The following POU2F3 variants were observed in gnomAD, a reference collection of about 807,000 sequenced individuals.
The protein encoded by POU2F3 is POU domain, class 2, transcription factor 3.
A neutral mutation model predicts 59.2 loss-of-function variants in POU2F3; 23 were observed. The observed-to-expected ratio is 0.39, with a 90% CI of 0.28 to 0.55. POU2F3 has a LOEUF of 0.55. Among genes scored for constraint, POU2F3 ranks in the 20% least tolerant of loss-of-function variants. The pLI is 0.66. For synonymous variants in POU2F3, 190 were observed against 214.6 expected (o/e 0.89, Z 1.00); for missense variants, 473 against 544.5 (o/e 0.87, Z 1.31).
intron 3 of POU2F3, among the ~76,000 whole-genome samples, chr11:120,292,991 A>G (rs1941074708): frequency 6.6e-6 from 1 of 152,338 alleles, no homozygotes; most frequent in South Asian, 2.1e-4. Context: ...GACTGATAAG[A>G]TTGTTGCATT....
chr11:120,243,542 G>A (rs1938756036), intron 1 of POU2F3, among the ~76,000 whole-genome samples: 1 of 152,182 alleles, frequency 6.6e-6, no homozygotes, highest in African/African-American at 2.4e-5. Context: ...AGGGAAGGGA[G>A]TGATGGCAAG....
At chr11:120,257,524 C>T (rs929621715) in intron 2 of POU2F3, among the ~76,000 whole-genome samples, 9 of 152,108 alleles carry the variant, frequency 5.9e-5, no homozygotes, top group African/African-American at 2.2e-4. Context: ...TTCTCACTGG[C>T]TCCTCCACAA....
At chr11:120,283,643 C>G (rs560901479) in intron 3 of POU2F3, among the ~76,000 whole-genome samples, 2 of 152,294 alleles carry the variant, frequency 1.3e-5, no homozygotes, top group East Asian at 3.9e-4. Context: ...AGCCTGCCCC[C>G]ACCCACTCCC....
intron 2 of POU2F3, among the ~76,000 whole-genome samples, chr11:120,252,563 C>T (rs1246040448): frequency 2.0e-5 from 3 of 152,158 alleles, no homozygotes; most frequent in Non-Finnish European, 4.4e-5. Context: ...CTTTCTGTGA[C>T]AGGGAAATTA....
intron 3 of POU2F3, among the ~76,000 whole-genome samples, chr11:120,297,882 T>C (rs954537074): frequency 2.0e-5 from 3 of 151,560 alleles, no homozygotes; most frequent in Non-Finnish European, 4.4e-5. Flanking sequence ...ATGATCCTCC[T>C]ATCTCAGCCT....
At chr11:120,274,059 AAGAG>A (rs1444184249) in intron 3 of POU2F3, among the ~76,000 whole-genome samples, 1 of 151,294 alleles carries the variant, frequency 6.6e-6, no homozygotes, top group Non-Finnish European at 1.5e-5. Context: ...GAAAGAAAGA[AAGAG>A]AGAAAGAAAG....
chr11:120,258,725 G>A lies in POU2F3; in HGVS notation c.98-10485G>A, dbSNP rs553897470. Among the ~76,000 whole-genome samples the A allele has an allele frequency of 4.3e-4, 66 of 152,234 alleles. 1 individual carries two copies. The highest frequency in any genetic ancestry group is 2.6e-4 in the Non-Finnish European group (18 of 68,040). ...GGATCTTTTGGCCCCGTTCCTTGCA[G>A]CAGTGGCCTGAGTGCCTGGACACTT... On this transcript the variant is annotated intron_variant, in intron 2 of 12. Transcript: ENST00000543440.
chr11:120,267,958 G>C (rs1213896607), intron 2 of POU2F3, among the ~76,000 whole-genome samples: 1 of 152,000 alleles, frequency 6.6e-6, no homozygotes, highest in Non-Finnish European at 1.5e-5. Flanking sequence ...GTCCTGGAGA[G>C]CTATGTGAAT....
At chr11:120,255,539 G>A (rs145045815) in intron 2 of POU2F3, among the ~76,000 whole-genome samples, 1 of 152,080 alleles carries the variant, frequency 6.6e-6, no homozygotes, top group Non-Finnish European at 1.5e-5. Context: ...TTCAAATGAG[G>A]ATGATTAAGG....
At chr11:120,316,872 G>C (rs558402217) in intron 11 of POU2F3, among the ~76,000 whole-genome samples, 2 of 152,162 alleles carry the variant, frequency 1.3e-5, no homozygotes, top group East Asian at 3.9e-4. Flanking sequence ...CTTCCTTCTT[G>C]TTCTTTTTCT....
chr11:120,292,121 T>C (rs1466089974), intron 3 of POU2F3, among the ~76,000 whole-genome samples: 4 of 152,212 alleles, frequency 2.6e-5, no homozygotes, highest in Non-Finnish European at 5.9e-5. Context: ...ATTTCTTAAG[T>C]AGATTTCATC....
At chr11:120,248,610 T>G (rs888891903) in intron 2 of POU2F3, among the ~76,000 whole-genome samples, 1 of 152,128 alleles carries the variant, frequency 6.6e-6, no homozygotes, top group Admixed American at 6.5e-5. Context: ...TCTGCACAGG[T>G]CCCTTTTCAG....
chr11:120,246,322 T>C, intron 1 of POU2F3, 127 bp from the exon 2 acceptor site: 1 of 966,192 alleles, frequency 1.0e-6, no homozygotes, highest in South Asian at 1.4e-5. Flanking sequence ...TGTTCGGGAA[T>C]CAGGAATTTG....
At chr11:120,277,937 T>G (rs777756172) in intron 3 of POU2F3, among the ~76,000 whole-genome samples, 1 of 152,346 alleles carries the variant, frequency 6.6e-6, no homozygotes, top group Non-Finnish European at 1.5e-5. Flanking sequence ...AGGTCCCTCA[T>G]GCCTCTATGA....
At chr11:120,290,547 T>C (rs752835043) in intron 3 of POU2F3, among the ~76,000 whole-genome samples, 1 of 152,132 alleles carries the variant, frequency 6.6e-6, no homozygotes, top group Non-Finnish European at 1.5e-5. Flanking sequence ...CAAATAACCA[T>C]GTAGAGAGTC....
At chr11:120,313,836 A>C (rs1941715792) in intron 10 of POU2F3, among the ~76,000 whole-genome samples, 1 of 152,152 alleles carries the variant, frequency 6.6e-6, no homozygotes, top group Non-Finnish European at 1.5e-5. Context: ...CGACGTGGCA[A>C]AACCCTGTCT....
intron 3 of POU2F3, among the ~76,000 whole-genome samples, chr11:120,284,998 A>G (rs543603948): frequency 6.6e-6 from 1 of 152,220 alleles, no homozygotes; most frequent in Non-Finnish European, 1.5e-5. Context: ...AATGGAGTGC[A>G]GGTGTACAGA....
chr11:120,255,751 G>C (rs1286908033), intron 2 of POU2F3, among the ~76,000 whole-genome samples: 1 of 152,040 alleles, frequency 6.6e-6, no homozygotes, highest in Non-Finnish European at 1.5e-5. Context: ...CAGGAGAGCC[G>C]GCTGGGTCTC....
At chr11:120,310,131 G>T (rs1352404271) in intron 10 of POU2F3, among the ~76,000 whole-genome samples, 1 of 152,228 alleles carries the variant, frequency 6.6e-6, no homozygotes, top group Non-Finnish European at 1.5e-5. Flanking sequence ...GGAATAATCT[G>T]TGTGGAAGCA....
Sources: gnomAD v4.1 joint callset for allele counts (sites outside exome capture counted in the v4.1 genomes callset) on GRCh38, gnomAD v4.1.1 for gene constraint, MANE v1.5 for transcripts, NCBI Gene and HGNC (gene_info 2026-07-23, HGNC 2026-07-21) for gene names.